MDH1: variants seen among roughly 807,000 people sequenced by gnomAD.
MDH1 encodes the protein malate dehydrogenase, cytoplasmic.
In MDH1, 15 loss-of-function variants were observed where a neutral mutation model predicts 38.7. That is an observed-to-expected ratio of 0.39 (90% CI 0.26 to 0.60). The LOEUF (loss-of-function observed/expected upper bound fraction) is 0.60, where lower values mean the gene tolerates loss of function less well. MDH1 is among the 20% of genes least tolerant of loss of function. The probability of loss-of-function intolerance (pLI) is 0.56; values close to 1 mark genes in which losing one functional copy is unlikely to be tolerated. For missense variants in MDH1, 368 were observed against 405.2 expected, an observed-to-expected ratio of 0.91 and a Z score of 0.79; for synonymous variants, 144 against 143.6, an observed-to-expected ratio of 1.00 and a Z score of -0.02.
chr2:63,606,389 G>A (rs1244210017), intron 8 of MDH1, among the ~76,000 whole-genome samples: 5 of 152,070 alleles, frequency 3.3e-5, no homozygotes, highest in African/African-American at 1.2e-4. Flanking sequence ...AAAGAAAACA[G>A]AATGTTATCA....
chr2:63,593,001 A>G (rs1709228418), intron 1 of MDH1: 1 of 152,194 alleles, frequency 6.6e-6, no homozygotes, highest in African/African-American at 2.4e-5. Flanking sequence ...TTCTATAAAT[A>G]GTAATAAATT....
Position 63,599,279 on chromosome 2 carries a change from G to T in MDH1, c.485G>T (p.Arg162Leu). Residue 162 changes from arginine (R) to leucine (L), a missense_variant, in exon 5 of 9, where the codon CGA becomes CTA. Physicochemically the swap from Arg to Leu is moderately radical, Grantham distance 102 (BLOSUM62 -2). Transcript: ENST00000233114. ...TGCTTGACTCGTTTGGATCACAACC[G>T]AGCTAAAGCTCAAGTAAGAAAAATA... Reference protein sequence around the residue: ...FSCLTRLDHNRAKAQIALKLG... With the variant: ...FSCLTRLDHNLAKAQIALKLG... 1 of 1,611,700 alleles carries T rather than the reference G, an allele frequency of 6.2e-7. No individual in the cohort carries two copies. Among genetic ancestry groups the T allele is most frequent in the South Asian group, 1.1e-5 (1 of 90,668 alleles).
chr2:63,589,509 G>C (rs1017405349), intron 1 of MDH1: 9 of 912,654 alleles, frequency 9.9e-6, no homozygotes, highest in Admixed American at 2.1e-5. Flanking sequence ...TATTTACCAG[G>C]TGCTCCAGAT....
At position 63,603,322 on chromosome 2, in the gene MDH1, A is replaced by T. The variant is rs563440794; in HGVS notation, c.499-1374A>T. On this transcript the variant is annotated intron_variant, in intron 5 of 8. Transcript: ENST00000233114. ...GGAGCTGTTATTACCCTTATTTTAA[A>T]ATTTTCCTTAAAATATCAAAGTGTA... Among the ~76,000 whole-genome samples, 3 of 152,250 alleles carry T rather than the reference A, an allele frequency of 2.0e-5. No individual in the cohort carries two copies. In the South Asian group the frequency reaches 6.2e-4, roughly 32 times the overall value.
chr2:63,604,840 G>A lies in MDH1; in HGVS notation c.643G>A (p.Asp215Asn). Reference protein sequence around the residue: ...KEVGVYEALKDDSWLKGEFVT... With the variant: ...KEVGVYEALKNDSWLKGEFVT... ...AGTTGGTGTTTATGAAGCTCTGAAA[G>A]ATGACAGCTGGCTCAAGGGAGAATT... is the stretch of plus-strand genomic sequence containing the variant. The change falls in exon 6 of 9, where the codon GAT (aspartate) becomes AAT (asparagine). Residue 215 changes from aspartate (D) to asparagine (N), a missense_variant. Physicochemically the swap from Asp to Asn is conservative, Grantham distance 23. Transcript: ENST00000233114. 1 of 1,614,216 alleles carries A rather than the reference G, an allele frequency of 6.2e-7. No homozygotes were observed. The highest frequency in any genetic ancestry group is 1.1e-5 in the South Asian group (1 of 91,082).
intron 8 of MDH1, 77 bp from the exon 9 acceptor site, chr2:63,606,785 A>G (rs1026056959): frequency 3.6e-6 from 4 of 1,123,690 alleles, no homozygotes; most frequent in Non-Finnish European, 5.0e-6. Flanking sequence ...ACCTCTAAAT[A>G]TAAGTTCAAA....
intron 3 of MDH1, among the ~76,000 whole-genome samples, chr2:63,595,997 C>T (rs1709304845): frequency 6.6e-6 from 1 of 152,118 alleles, no homozygotes; most frequent in African/African-American, 2.4e-5. Flanking sequence ...ATCCCATCTA[C>T]CAATCATCAG....
At chr2:63,590,983 TTG>T (rs1159109446) in intron 1 of MDH1, 1 of 152,228 alleles carries the variant, frequency 6.6e-6, no homozygotes, top group Non-Finnish European at 1.5e-5. Flanking sequence ...GCTTAGTTTT[TTG>T]TGTTATAGAA....
At chr2:63,605,880 T>A in intron 7 of MDH1, 59 bp from the exon 8 acceptor site, 2 of 1,363,440 alleles carry the variant, frequency 1.5e-6, no homozygotes, top group Non-Finnish European at 2.1e-6. Context: ...ATTTTATTAG[T>A]TCATGTGTCA....
At chr2:63,591,350 C>G (rs1049710976) in intron 1 of MDH1, among the ~76,000 whole-genome samples, 11 of 152,192 alleles carry the variant, frequency 7.2e-5, no homozygotes, top group Non-Finnish European at 1.3e-4. Context: ...CATTCAAACA[C>G]TAAGCCTCAT....
chr2:63,601,612 T>A (rs193169394), intron 5 of MDH1, among the ~76,000 whole-genome samples: 9 of 152,332 alleles, frequency 5.9e-5, no homozygotes, highest in African/African-American at 2.2e-4. Flanking sequence ...AGAAACTATA[T>A]CTGCTGGATG....
chr2:63,604,447 A>G (rs1361957892), intron 5 of MDH1, among the ~76,000 whole-genome samples: 3 of 152,240 alleles, frequency 2.0e-5, no homozygotes, highest in Non-Finnish European at 1.5e-5. Flanking sequence ...ACCACAAACT[A>G]TGGGATGCTT....
chr2:63,599,223 A>G lies in MDH1; in HGVS notation c.429A>G (p.Ser143=), dbSNP rs1282682078. The G allele has an allele frequency of 6.2e-7, 1 of 1,613,816 alleles. No homozygotes were observed. The highest frequency in any genetic ancestry group is 1.7e-5 in the Admixed American group (1 of 60,008). The change falls in exon 5 of 9, where the codon TCA becomes TCG. Residue 143 remains serine (S), a synonymous_variant. Coordinates refer to ENST00000233114, the MANE Select transcript of MDH1 (RefSeq NM_005917.4). Reference sequence around the variant, plus strand: ...CCAACTGCCTGACTGCTTCCAAGTCAGCTCCATCCATCCCCAAGGAGAACT... The same window carrying G: ...CCAACTGCCTGACTGCTTCCAAGTCGGCTCCATCCATCCCCAAGGAGAACT... ...ANTNCLTASK[S]APSIPKENFS...
At chr2:63,599,473 C>G in intron 5 of MDH1, 181 bp downstream of exon 5, 2 of 507,112 alleles carry the variant, frequency 3.9e-6, no homozygotes, top group East Asian at 4.2e-5. Flanking sequence ...TAAATGTATT[C>G]TCTTAAAGGA....
intron 5 of MDH1, among the ~76,000 whole-genome samples, chr2:63,600,217 G>T (rs759134670): frequency 2.0e-5 from 3 of 152,222 alleles, no homozygotes; most frequent in Non-Finnish European, 4.4e-5. Context: ...TAGTGAAAGA[G>T]AAAAGAATAT....
At chr2:63,601,340 A>C (rs1709414195) in intron 5 of MDH1, among the ~76,000 whole-genome samples, 1 of 152,162 alleles carries the variant, frequency 6.6e-6, no homozygotes, top group Non-Finnish European at 1.5e-5. Context: ...CGACTTAGGG[A>C]CTGTTTAACA....
chr2:63,601,525 A>G (rs1709418241), intron 5 of MDH1, among the ~76,000 whole-genome samples: 1 of 152,270 alleles, frequency 6.6e-6, no homozygotes, highest in South Asian at 2.1e-4. Flanking sequence ...TGTGACAGAC[A>G]TGAGTGTCTA....
intron 5 of MDH1, among the ~76,000 whole-genome samples, chr2:63,602,614 T>G (rs1182176160): frequency 6.6e-6 from 1 of 151,942 alleles, no homozygotes; most frequent in African/African-American, 2.4e-5. Flanking sequence ...TGTAGATTCC[T>G]GTAACTGCCC....
chr2:63,598,376 G>A (rs2106614015), intron 4 of MDH1, among the ~76,000 whole-genome samples: 1 of 152,168 alleles, frequency 6.6e-6, no homozygotes, highest in Non-Finnish European at 1.5e-5. Context: ...TGATCCACCT[G>A]TCTTGGCCTC....
Sources: gnomAD v4.1 joint callset for allele counts (sites outside exome capture counted in the v4.1 genomes callset) on GRCh38, gnomAD v4.1.1 for gene constraint, MANE v1.5 for transcripts, NCBI Gene and HGNC (gene_info 2026-07-23, HGNC 2026-07-21) for gene names.